Variants in APBB2 observed in about 807,000 individuals in gnomAD.
The protein encoded by APBB2 is amyloid beta precursor protein binding family B member 2, also known as Fe65-like 1.
In APBB2, 38 loss-of-function variants were observed where a neutral mutation model predicts 82.5. That is an observed-to-expected ratio of 0.46 (90% CI 0.36 to 0.60). The LOEUF (loss-of-function observed/expected upper bound fraction) is 0.60. Ranked by LOEUF, APBB2 falls within the 20% of genes least tolerant of loss-of-function variation. The pLI is 0.00. For missense variants in APBB2, 772 were observed against 972.3 expected (o/e 0.79, Z 2.74); for synonymous variants, 341 against 368.2 (o/e 0.93, Z 0.85).
chr4:41,069,422 A>T (rs1560668450), intron 3 of APBB2, among the ~76,000 whole-genome samples: 1 of 152,204 alleles, frequency 6.6e-6, no homozygotes, highest in Non-Finnish European at 1.5e-5. Context: ...GATGGAAAAC[A>T]CCTGGAAAAG....
At chr4:41,129,517 GT>G (rs1350937274) in intron 2 of APBB2, among the ~76,000 whole-genome samples, 1 of 152,200 alleles carries the variant, frequency 6.6e-6, no homozygotes. Context: ...TTGCACAGAA[GT>G]TTGGACACAT....
At chr4:41,157,213 C>CG (rs1215855318) in intron 1 of APBB2, among the ~76,000 whole-genome samples, 1 of 152,148 alleles carries the variant, frequency 6.6e-6, no homozygotes, top group Non-Finnish European at 1.5e-5. Context: ...TGCATTTCCC[C>CG]GAGGGCTCCA....
chr4:41,104,305 T>C (rs1746408846), intron 2 of APBB2, among the ~76,000 whole-genome samples: 2 of 152,186 alleles, frequency 1.3e-5, no homozygotes, highest in African/African-American at 4.8e-5. Context: ...GTGACTCTTT[T>C]AGTCATGAGT....
intron 13 of APBB2, among the ~76,000 whole-genome samples, chr4:40,828,920 C>T (rs765409678): frequency 1.8e-4 from 27 of 152,150 alleles, no homozygotes; most frequent in African/African-American, 5.8e-4. Context: ...ACCTCCTGCT[C>T]GGTTAACAGG....
intron 6 of APBB2, among the ~76,000 whole-genome samples, chr4:40,952,362 G>A (rs1014852490): frequency 6.6e-5 from 10 of 152,062 alleles, no homozygotes; most frequent in African/African-American, 2.4e-4. Context: ...CACCGTGTAT[G>A]CCCCTGGCTG....
chr4:41,195,192 G>A, intron 1 of APBB2, among the ~76,000 whole-genome samples: 28,449 of 151,876 alleles, frequency 0.19, 2,715 homozygotes, highest in Non-Finnish European at 0.2. Flanking sequence ...CTCTAAACTC[G>A]TAAGTCCAAC....
intron 3 of APBB2, among the ~76,000 whole-genome samples, chr4:41,085,146 G>C (rs1399860157): frequency 6.6e-6 from 1 of 151,790 alleles, no homozygotes; most frequent in East Asian, 1.9e-4. Context: ...AGCTACTTGG[G>C]AGGCTGAGGC....
rs371443810 is a variant in APBB2 at position 41,061,918 on chromosome 4, G to A, written c.-51+3658C>T. Among the ~76,000 whole-genome samples, 4 of 152,284 alleles carry A rather than the reference G, an allele frequency of 2.6e-5. No individual in the cohort carries two copies. The East Asian group carries it at 7.7e-4, about 29-fold the overall frequency. ...CTGCTGACCCTTGACTGATGATTCCGACCACACCTGATGATAAAATTATTA... is the reference window on the plus strand; with the variant it reads ...CTGCTGACCCTTGACTGATGATTCCAACCACACCTGATGATAAAATTATTA... On this transcript the variant is annotated intron_variant, in intron 4 of 17. Coordinates refer to ENST00000508593, the MANE Select transcript of APBB2 (RefSeq NM_004307.2).
intron 5 of APBB2, among the ~76,000 whole-genome samples, chr4:41,027,364 C>CATATATATATATATATATAT (rs36224955): frequency 3.9e-5 from 5 of 127,416 alleles, no homozygotes; most frequent in Admixed American, 8.5e-5. Context: ...CATATTGTTA[C>CATATATATATATATATATAT]ATATATATAT....
intron 7 of APBB2, among the ~76,000 whole-genome samples, chr4:40,943,533 A>G (rs1010502269): frequency 1.3e-5 from 2 of 152,194 alleles, no homozygotes; most frequent in Non-Finnish European, 2.9e-5. Flanking sequence ...CCAGGATCCA[A>G]CTGGGTGGGG....
chr4:41,151,567 G>A (rs1762279175), intron 1 of APBB2, among the ~76,000 whole-genome samples: 1 of 152,152 alleles, frequency 6.6e-6, no homozygotes, highest in South Asian at 2.1e-4. Flanking sequence ...ATCTTCTGTG[G>A]TAAAATCAGG....
chr4:41,117,698 A>G (rs1481097957), intron 2 of APBB2, among the ~76,000 whole-genome samples: 3 of 151,994 alleles, frequency 2.0e-5, no homozygotes, highest in Non-Finnish European at 4.4e-5. Flanking sequence ...GTTCATTCCC[A>G]CTCAGCCCCA....
chr4:40,874,835 A>T (rs1007006267), intron 12 of APBB2, among the ~76,000 whole-genome samples: 1 of 152,224 alleles, frequency 6.6e-6, no homozygotes, highest in Non-Finnish European at 1.5e-5. Flanking sequence ...AACACCAGTT[A>T]CTAAGCTGGT....
intron 3 of APBB2, among the ~76,000 whole-genome samples, chr4:41,067,043 A>T (rs1732133405): frequency 6.6e-6 from 1 of 152,224 alleles, no homozygotes; most frequent in Non-Finnish European, 1.5e-5. Context: ...TTTATTACAC[A>T]TGGGTGGATG....
chr4:40,888,864 C>T lies in APBB2; in HGVS notation c.1529+1500G>A, dbSNP rs1278398629. On this transcript the variant is annotated intron_variant, in intron 12 of 17. Coordinates refer to ENST00000508593, the MANE Select transcript of APBB2 (RefSeq NM_004307.2). ...CACGTATGTAATGTCACAAGCTCTG[C>T]ACTTTGGCTCCTGCCTTAAAAACAA... Among the ~76,000 whole-genome samples the T allele has an allele frequency of 3.3e-5, 5 of 152,284 alleles. 1 individual carries two copies. The highest frequency in any genetic ancestry group is 3.8e-4 in the East Asian group (2 of 5,208).
At chr4:40,975,440 A>C (rs546711937) in intron 6 of APBB2, among the ~76,000 whole-genome samples, 19 of 152,148 alleles carry the variant, frequency 1.2e-4, no homozygotes, top group Non-Finnish European at 2.6e-4. Context: ...ACTAATCACA[A>C]CCATTTTTGT....
chr4:40,933,667 T>C (rs1283158061), intron 10 of APBB2, among the ~76,000 whole-genome samples: 3 of 151,994 alleles, frequency 2.0e-5, no homozygotes, highest in Non-Finnish European at 4.4e-5. Flanking sequence ...GGGAGGGAGA[T>C]AGGGAGGTCT....
chr4:40,996,885 T>A (rs1347769025), intron 6 of APBB2, among the ~76,000 whole-genome samples: 1 of 152,204 alleles, frequency 6.6e-6, no homozygotes, highest in Admixed American at 6.5e-5. Context: ...ATTTATGGTT[T>A]CTTTGAATAA....
At chr4:41,063,797 G>A (rs1730662086) in intron 4 of APBB2, among the ~76,000 whole-genome samples, 1 of 151,996 alleles carries the variant, frequency 6.6e-6, no homozygotes, top group Non-Finnish European at 1.5e-5. Flanking sequence ...TCCCACCTCA[G>A]CCTCCCGAGT....
Sources: allele counts gnomAD v4.1 joint callset (sites outside exome capture counted in the v4.1 genomes callset), GRCh38; gene constraint gnomAD v4.1.1; transcripts MANE v1.5; gene names NCBI Gene and HGNC (gene_info 2026-07-23, HGNC 2026-07-21).